The following PRELID2 variants were observed in gnomAD, a reference collection of about 807,000 sequenced individuals.
PRELID2 encodes the protein PRELI domain-containing protein 2.
Under a neutral mutation model 28.4 loss-of-function variants are expected in PRELID2, and 25 were observed. The ratio of observed to expected loss-of-function variants is 0.88; its 90% confidence interval spans 0.64 to 1.23. The LOEUF is 1.23. Ranked by LOEUF, PRELID2 falls within the 50% of genes most tolerant of loss-of-function variation. The pLI, the probability that PRELID2 is intolerant of heterozygous loss-of-function variation, is 0.00. For synonymous variants in PRELID2, 76 were observed against 71.6 expected (o/e 1.06, Z -0.31); for missense variants, 201 against 214.4 (o/e 0.94, Z 0.39).
chr5:145,526,689 A>C (rs1752607622), intron 1 of PRELID2, among the ~76,000 whole-genome samples: 2 of 152,210 alleles, frequency 1.3e-5, no homozygotes, highest in South Asian at 4.1e-4. Flanking sequence ...GGCTAATAAC[A>C]ATACCAATGA....
intron 1 of PRELID2, among the ~76,000 whole-genome samples, chr5:145,508,493 T>C (rs2126639159): frequency 6.6e-6 from 1 of 152,182 alleles, no homozygotes; most frequent in Non-Finnish European, 1.5e-5. Context: ...AAAAAGCTTT[T>C]ATTTCCCCCA....
intron 5 of PRELID2, among the ~76,000 whole-genome samples, chr5:145,779,542 C>T (rs1415761102): frequency 6.8e-6 from 1 of 147,972 alleles, no homozygotes; most frequent in Non-Finnish European, 1.5e-5. Context: ...TAAAATATTA[C>T]TTGAAAAAAG....
intron 1 of PRELID2, among the ~76,000 whole-genome samples, chr5:145,601,946 G>A (rs1019222638): frequency 3.3e-5 from 5 of 152,158 alleles, no homozygotes; most frequent in Non-Finnish European, 7.3e-5. Flanking sequence ...TGCAGAGTAC[G>A]TGACTAAAAT....
the PRELID2 span, among the ~76,000 whole-genome samples, chr5:145,296,724 G>A: frequency 6.6e-6 from 1 of 152,074 alleles, no homozygotes; most frequent in African/African-American, 2.4e-5. Flanking sequence ...GGATGGCTGG[G>A]TCAAATGGTA....
At chr5:145,797,862 T>C (rs561582523) in intron 4 of PRELID2, among the ~76,000 whole-genome samples, 1 of 151,540 alleles carries the variant, frequency 6.6e-6, no homozygotes, top group South Asian at 2.1e-4. Flanking sequence ...AAAATAAATC[T>C]CTAGAAACCA....
the PRELID2 span, among the ~76,000 whole-genome samples, chr5:145,425,093 G>A: frequency 6.6e-6 from 1 of 151,654 alleles, no homozygotes; most frequent in African/African-American, 2.4e-5. Flanking sequence ...TAAAAAGTAG[G>A]CAAAAGACAT....
chr5:145,311,267 G>A, the PRELID2 span, among the ~76,000 whole-genome samples: 2 of 152,170 alleles, frequency 1.3e-5, no homozygotes, highest in Non-Finnish European at 2.9e-5. Flanking sequence ...GGGAAGGGAG[G>A]TGCTAGAGTG....
At chr5:145,666,525 A>G (rs2149680397) in intron 1 of PRELID2, among the ~76,000 whole-genome samples, 1 of 152,156 alleles carries the variant, frequency 6.6e-6, no homozygotes, top group East Asian at 1.9e-4. Flanking sequence ...CAAAATGGTG[A>G]GTTTTGAGTT....
At chr5:145,355,609 A>G in the PRELID2 span, among the ~76,000 whole-genome samples, 1 of 152,172 alleles carries the variant, frequency 6.6e-6, no homozygotes, top group African/African-American at 2.4e-5. Flanking sequence ...CTATGTTCAC[A>G]GGACCTACCA....
chr5:145,609,318 T>C (rs1283639832), intron 1 of PRELID2, among the ~76,000 whole-genome samples: 1 of 152,212 alleles, frequency 6.6e-6, no homozygotes, highest in Non-Finnish European at 1.5e-5. Flanking sequence ...TGTGGTTGTT[T>C]GGAGGTAAGA....
chr5:145,481,795 G>A (rs1293461604), intron 1 of PRELID2, among the ~76,000 whole-genome samples: 4 of 152,048 alleles, frequency 2.6e-5, no homozygotes, highest in Non-Finnish European at 5.9e-5. Context: ...ACAAAATACT[G>A]TCTAGGAAAG....
At chr5:145,350,373 T>G in the PRELID2 span, among the ~76,000 whole-genome samples, 1 of 152,116 alleles carries the variant, frequency 6.6e-6, no homozygotes, top group Non-Finnish European at 1.5e-5. Context: ...ATTAGGCAGG[T>G]AAGAGACAAG....
intron 1 of PRELID2, among the ~76,000 whole-genome samples, chr5:145,545,341 G>A (rs1339234071): frequency 6.6e-6 from 1 of 151,970 alleles, no homozygotes; most frequent in Non-Finnish European, 1.5e-5. Flanking sequence ...CCTGGGATGT[G>A]AGGCAGTGGG....
Position 145,686,483 on chromosome 5 carries a change from C to G in PRELID2, n.70+78448G>C, listed in dbSNP as rs538378872. ...AACAGGGGAAGGGTCTTTCCCCAGCCCCACCTAAAAACGTCTTCTAATCCC... is the reference window on the plus strand; with the variant it reads ...AACAGGGGAAGGGTCTTTCCCCAGCGCCACCTAAAAACGTCTTCTAATCCC... On this transcript the variant is annotated intron_variant and non_coding_transcript_variant, in intron 1 of 2. Coordinates refer to the PRELID2 transcript ENST00000510259. Among the ~76,000 whole-genome samples, 3 of 152,166 alleles carry G rather than the reference C, an allele frequency of 2.0e-5. No homozygotes were observed. In the East Asian group the frequency reaches 5.8e-4, roughly 29 times the overall value.
rs547948157 is a variant in PRELID2, at chr5:145,530,622, C to T, written n.71-57307G>A. ...GACAGGCCAAGACTCTGGTAACGAA[C>T]GCAGGAACCGGTTGGCAATGGTACC... On this transcript the variant is annotated intron_variant and non_coding_transcript_variant, in intron 1 of 2. Transcript: ENST00000510259. Among the ~76,000 whole-genome samples the T allele has an allele frequency of 1.4e-4, 21 of 152,070 alleles. No homozygotes were observed. In the East Asian group the frequency reaches 2.1e-3, roughly 15 times the overall value.
chr5:145,622,354 T>C (rs1480976677), intron 1 of PRELID2, among the ~76,000 whole-genome samples: 4 of 152,150 alleles, frequency 2.6e-5, no homozygotes, highest in African/African-American at 9.7e-5. Flanking sequence ...AAAGCTGTTG[T>C]TCAAAAAGAA....
At chr5:145,543,612 A>T (rs371307607) in intron 1 of PRELID2, among the ~76,000 whole-genome samples, 4 of 152,100 alleles carry the variant, frequency 2.6e-5, no homozygotes, top group African/African-American at 7.2e-5. Flanking sequence ...TCTTTCTCTG[A>T]AAGAACAGTA....
rs188810566 is a variant in PRELID2 at position 145,652,395 on chromosome 5, G to A, written n.70+112536C>T. Among the ~76,000 whole-genome samples the A allele has an allele frequency of 9.4e-3, 1,438 of 152,212 alleles. 14 individuals carry two copies. Among genetic ancestry groups the A allele is most frequent in the Admixed American group, 0.019 (287 of 15,292 alleles). On this transcript the variant is annotated intron_variant and non_coding_transcript_variant, in intron 1 of 2. Coordinates refer to the PRELID2 transcript ENST00000510259. ...CCAACATTCAAATTCAGGAAATACA[G>A]AGAACACCACAAAGATACTCCTTGA...
At chr5:145,532,755 T>C (rs1752664923) in intron 1 of PRELID2, among the ~76,000 whole-genome samples, 2 of 152,054 alleles carry the variant, frequency 1.3e-5, no homozygotes, top group Non-Finnish European at 2.9e-5. Flanking sequence ...TAAGCATAAT[T>C]TCCTCTGGGT....
Sources: gnomAD v4.1 joint callset for allele counts (sites outside exome capture counted in the v4.1 genomes callset) on GRCh38, gnomAD v4.1.1 for gene constraint, MANE v1.5 for transcripts, NCBI Gene and HGNC (gene_info 2026-07-23, HGNC 2026-07-21) for gene names.